The following TGM1 variants were observed in gnomAD, a reference collection of about 807,000 sequenced individuals.
The protein encoded by TGM1 is protein-glutamine gamma-glutamyltransferase K.
Under a neutral mutation model 88.7 loss-of-function variants are expected in TGM1, and 63 were observed. That is an observed-to-expected ratio of 0.71 (90% CI 0.58 to 0.88). The LOEUF is 0.88. Ranked by LOEUF, TGM1 falls within the 40% of genes least tolerant of loss-of-function variation. The probability of loss-of-function intolerance (pLI) is 0.00; values close to 1 mark genes in which losing one functional copy is unlikely to be tolerated. For missense variants in TGM1, 996 were observed against 1,118.0 expected (o/e 0.89, Z 1.56); for synonymous variants, 415 against 431.1 (o/e 0.96, Z 0.46).
chr14:24,256,740 C>A (rs1023299800), intron 9 of TGM1, among the ~76,000 whole-genome samples: 1 of 152,174 alleles, frequency 6.6e-6, no homozygotes, highest in South Asian at 2.1e-4. Context: ...GAATCTTAGA[C>A]AAGACATAAC....
intron 2 of TGM1, 75 bp downstream of exon 2, chr14:24,261,959 C>CA (rs2040814908): frequency 1.9e-6 from 3 of 1,610,098 alleles, no homozygotes; most frequent in Non-Finnish European, 2.5e-6. Flanking sequence ...CTATCCCCCC[C>CA]AGAAATGCCA....
At position 24,251,916 on chromosome 14, in the gene TGM1, A is replaced by G. The variant is rs371102788; in HGVS notation, c.2225+2236T>C. Among the ~76,000 whole-genome samples, 165 of 152,284 alleles carry G rather than the reference A, an allele frequency of 1.1e-3. 1 individual carries two copies. Among genetic ancestry groups the G allele is most frequent in the African/African-American group, 3.7e-3 (152 of 41,568 alleles). On this transcript the variant is annotated intron_variant, in intron 14 of 14. Coordinates refer to ENST00000206765, the MANE Select transcript of TGM1 (RefSeq NM_000359.3). ...AAGGCAGACTGACCACTCTGAGGAC[A>G]TTCTAGAGAATATGATTCAGACTCT...
chr14:24,251,619 C>T (rs970856526), intron 14 of TGM1, among the ~76,000 whole-genome samples: 2 of 152,162 alleles, frequency 1.3e-5, no homozygotes, highest in African/African-American at 4.8e-5. Flanking sequence ...ACTTAGACGT[C>T]GAAACGAGCA....
At position 24,254,837 on chromosome 14, in the gene TGM1, G is replaced by C. The variant is rs2040734402; in HGVS notation, c.1928-13C>G. ...GTCACACGGTCCGCTGTGGAGAAGA[G>C]GCATGGCGTCACTGAGGCCTGCTTC... On this transcript the variant is annotated splice_polypyrimidine_tract_variant and intron_variant, in intron 12 of 14. Transcript: ENST00000206765. 6.2e-7 allele frequency: 1 copy of C among 1,613,644 alleles called. No homozygotes were observed. The highest frequency in any genetic ancestry group is 8.5e-7 in the Non-Finnish European group (1 of 1,180,016).
intron 3 of TGM1, 90 bp from the exon 4 acceptor site, chr14:24,260,788 G>C: frequency 6.4e-7 from 1 of 1,560,598 alleles, no homozygotes; most frequent in East Asian, 2.3e-5. Context: ...CCCACAATGT[G>C]TATGAGCCAC....
rs138592626 is a variant in TGM1, at chr14:24,261,820, T to C, written c.383A>G (p.Glu128Gly). Residue 128 changes from glutamate to glycine, a missense_variant, in exon 3 of 15, where the codon GAG (glutamate) becomes GGG (glycine). Coordinates refer to ENST00000206765, the MANE Select transcript of TGM1 (RefSeq NM_000359.3). ...LSSRSDQNRREHHTDEYEYDE... is the reference protein window; with the variant it reads ...LSSRSDQNRRGHHTDEYEYDE... ...GTACTCATACTCGTCTGTGTGGTGC[T>C]CTCGGCGGTTCTGGTCCGAGCGCGA... 4.9e-4 allele frequency: 783 copies of C among 1,613,898 alleles called. 7 individuals are homozygous for C. In the East Asian group the frequency reaches 0.015, roughly 30 times the overall value.
At chr14:24,254,590 G>A (rs552670661) in intron 13 of TGM1, 74 bp downstream of exon 13, 28 of 1,607,002 alleles carry the variant, frequency 1.7e-5, no homozygotes, top group Admixed American at 8.3e-5. Flanking sequence ...CTGGCTTAGC[G>A]CCCACCTCTG....
rs368466199 is a variant in TGM1 at position 24,261,922 on chromosome 14, G to A, written c.320-39C>T. On this transcript the variant is annotated intron_variant, in intron 2 of 14. Coordinates refer to ENST00000206765, the MANE Select transcript of TGM1 (RefSeq NM_000359.3). ...GCTCCGTGTCAGTGAAGCCCCATGA[G>A]GAGCCCAGGCCCTTATCATTAGCTT... 9.9e-6 allele frequency: 16 copies of A among 1,611,188 alleles called. No individual in the cohort carries two copies. The African/African-American group carries it at 1.1e-4, about 11-fold the overall frequency.
Position 24,255,469 on chromosome 14 carries a change from T to C in TGM1, c.1540A>G (p.Lys514Glu), listed in dbSNP as rs1287134870. The C allele has an allele frequency of 2.5e-6, 4 of 1,614,068 alleles. No individual in the cohort carries two copies. In the East Asian group the frequency reaches 8.9e-5, roughly 36 times the overall value. ...YWQRQDDGSF[K>E]IVYVEEKAIG... The stretch of plus-strand genomic sequence containing the variant: ...GCCTTCTCCTCCACATAAACAATCT[T>C]GAAGCTGCCATCATCCTGCCGCTGC... The change falls in exon 11 of 15, where the codon AAG becomes GAG. Residue 514 changes from lysine to glutamate, a missense_variant. By Grantham distance (56) the Lys-to-Glu change is moderately conservative. Transcript: ENST00000206765. This position sits in a 1 kb window ranked among gnomAD's most constrained non-coding sequence, Gnocchi z 4.0.
In TGM1 at chr14:24,255,642, C is replaced by G; in HGVS notation, c.1492-125G>C. ...GGCTTGGTCCCAAGGGTGGGAGCTT[C>G]CTGGCAGAGCCCAAGGGGAGACTTT... is the stretch of plus-strand genomic sequence containing the variant. On this transcript the variant is annotated intron_variant, in intron 10 of 14. Coordinates refer to ENST00000206765, the MANE Select transcript of TGM1 (RefSeq NM_000359.3). This position sits in a 1 kb window ranked among gnomAD's most constrained non-coding sequence, Gnocchi z 4.0. The G allele has an allele frequency of 5.4e-6, 7 of 1,293,050 alleles. No homozygotes were observed. The South Asian group carries it at 8.8e-5, about 16-fold the overall frequency. The allele number at this position is 1,293,050 out of a possible 1,614,324, so 80.1% of individuals were successfully genotyped here.
In TGM1 at chr14:24,259,121, G is replaced by T. The variant is rs61747601; in HGVS notation, c.1113C>A (p.Ser371=). 1.2e-6 allele frequency: 2 copies of T among 1,614,116 alleles called. No homozygotes were observed. Among genetic ancestry groups the T allele is most frequent in the East Asian group, 2.2e-5 (1 of 44,882 alleles). The part of the protein sequence containing the change: ...ILLSYLRTGY[S]VPYGQCWVFA... Reference sequence around the variant, plus strand: ...AGACCCAGCACTGGCCATAGGGGACGGAATATCCCGTGCGTAGGTAGCTAA... The same window carrying T: ...AGACCCAGCACTGGCCATAGGGGACTGAATATCCCGTGCGTAGGTAGCTAA... Residue 371 remains serine (S), a synonymous_variant, in exon 7 of 15, where the codon TCC becomes TCA. Transcript: ENST00000206765. This position sits in a 1 kb window ranked among gnomAD's most constrained non-coding sequence, Gnocchi z 5.7.
intron 14 of TGM1, among the ~76,000 whole-genome samples, chr14:24,252,810 C>T (rs765923014): frequency 2.4e-4 from 36 of 152,278 alleles, no homozygotes; most frequent in Non-Finnish European, 4.0e-4. Flanking sequence ...CTCAGGAACT[C>T]GCTGTCTGAA....
chr14:24,256,056 C>T lies in TGM1; in HGVS notation c.1424G>A (p.Cys475Tyr). ...TSSGIFCCGP[C>Y]SVESIKNGLV... ...GCCATTCTTGATGGACTCCACAGAG[C>T]AGGGGCCGCAGCAGAAGATGCCTAG... The change falls in exon 10 of 15, where the codon TGC becomes TAC. Residue 475 changes from cysteine (C) to tyrosine (Y), a missense_variant. Coordinates refer to ENST00000206765, the MANE Select transcript of TGM1 (RefSeq NM_000359.3). 1 of 1,568,628 alleles carries T rather than the reference C, an allele frequency of 6.4e-7. No individual in the cohort carries two copies. Among genetic ancestry groups the T allele is most frequent in the Non-Finnish European group, 8.7e-7 (1 of 1,155,614 alleles).
In TGM1 at chr14:24,260,692, T is replaced by C. The variant is rs1416134660; in HGVS notation, c.515A>G (p.Asn172Ser). The change falls in exon 4 of 15, where the codon AAC becomes AGC. Residue 172 changes from asparagine (N) to serine (S), a missense_variant. Asn to Ser is a conservative substitution (Grantham distance 46). Coordinates refer to ENST00000206765, the MANE Select transcript of TGM1 (RefSeq NM_000359.3). The part of the protein sequence containing the change: ...RITLELLIGN[N>S]PEVGKGTHVI... ...GTGCGTGCCCTTGCCCACCTCGGGG[T>C]TGTTTCCTAGAGTAGGAAATCAGCA... is the stretch of plus-strand genomic sequence containing the variant. 6.2e-7 allele frequency: 1 copy of C among 1,614,014 alleles called. No homozygotes were observed. Among genetic ancestry groups the C allele is most frequent in the Non-Finnish European group, 8.5e-7 (1 of 1,180,004 alleles).
Position 24,249,223 on chromosome 14 carries a change from A to G in TGM1, c.*90T>C, listed in dbSNP as rs886050437. 107 of 1,147,732 alleles carry G rather than the reference A, an allele frequency of 9.3e-5. No homozygotes were observed. Among genetic ancestry groups the G allele is most frequent in the Non-Finnish European group, 1.4e-4 (106 of 773,914 alleles). 71.1% of individuals were successfully genotyped at this position (1,147,732 alleles called of 1,614,324 possible). On this transcript the variant is annotated 3_prime_UTR_variant, in exon 15 of 15. Transcript: ENST00000206765. Reference sequence around the variant, plus strand: ...CCGGGAGCCCTGGACTCCCCACCTGAGCTCCTGGGGAGCTGCTCTGTAGTG... The same window carrying G: ...CCGGGAGCCCTGGACTCCCCACCTGGGCTCCTGGGGAGCTGCTCTGTAGTG...
chr14:24,257,787 T>G (rs1216703844), intron 9 of TGM1, among the ~76,000 whole-genome samples: 2 of 152,182 alleles, frequency 1.3e-5, no homozygotes, highest in African/African-American at 4.8e-5. Context: ...AACCTAGAAA[T>G]TTACTTTAAA....
At position 24,260,813 on chromosome 14, in the gene TGM1, C is replaced by T. The variant is rs191599720; in HGVS notation, c.509-115G>A. 3.6e-4 allele frequency: 494 copies of T among 1,389,378 alleles called. 1 individual carries two copies. The highest frequency in any genetic ancestry group is 7.5e-4 in the Middle Eastern group (4 of 5,302). The allele number at this position is 1,389,378 out of a possible 1,614,324, so 86.1% of individuals were successfully genotyped here. ...GTATGAGCCACTGTGTATGTCCCTA[C>T]GTTGGGCCATCACCTTATTCTCTGA... On this transcript the variant is annotated intron_variant, in intron 3 of 14. Transcript: ENST00000206765.
Position 24,255,456 on chromosome 14 carries a change from AC to A in TGM1, c.1552del (p.Val518TrpfsTer40), listed in dbSNP as rs1294460452. ...QDDGSFKIVYVEEKAIGTLIV... is the reference protein window; with the variant it reads ...QDDGSFKIVYXEEKAIGTLIV... ...GAGTGTGCCGATGGCCTTCTCCTCCACATAAACAATCTTGAAGCTGCCATCA... is the reference window on the plus strand; with the variant it reads ...GAGTGTGCCGATGGCCTTCTCCTCCAATAAACAATCTTGAAGCTGCCATCA... On this transcript the variant is annotated frameshift_variant, in exon 11 of 15. Coordinates refer to ENST00000206765, the MANE Select transcript of TGM1 (RefSeq NM_000359.3). LOFTEE classifies it high-confidence loss of function. This position sits in a 1 kb window ranked among gnomAD's most constrained non-coding sequence, Gnocchi z 4.0. 4 of 1,613,986 alleles carry A rather than the reference AC, an allele frequency of 2.5e-6. No homozygotes were observed. In the African/African-American group the frequency reaches 5.3e-5, roughly 22 times the overall value.
Position 24,254,133 on chromosome 14 carries a change from G to C in TGM1, c.2225+19C>G, listed in dbSNP as rs137984692. 9.8e-5 allele frequency: 158 copies of C among 1,604,946 alleles called. No individual in the cohort carries two copies. The African/African-American group carries it at 1.2e-3, about 13-fold the overall frequency. Reference sequence around the variant, plus strand: ...AAGGCCAGAGTGGAAGCAGGGGTAGGGGGAGAGGCCAGACTCACCCAACGT... The same window carrying C: ...AAGGCCAGAGTGGAAGCAGGGGTAGCGGGAGAGGCCAGACTCACCCAACGT... On this transcript the variant is annotated intron_variant, in intron 14 of 14. Transcript: ENST00000206765.
Sources: gnomAD v4.1 joint callset for allele counts (sites outside exome capture counted in the v4.1 genomes callset) on GRCh38, gnomAD v4.1.1 for gene constraint, Gnocchi (gnomAD v3.1) non-coding constraint, MANE v1.5 for transcripts, NCBI Gene and HGNC (gene_info 2026-07-23, HGNC 2026-07-21) for gene names.